The following SUGCT variants were observed in gnomAD, a reference collection of about 807,000 sequenced individuals.
SUGCT encodes the protein succinyl-CoA:glutarate-CoA transferase, also known as succinyl-CoA:glutarate CoA-transferase.
A neutral mutation model predicts 55.0 loss-of-function variants in SUGCT; 41 were observed. That is an observed-to-expected ratio of 0.74 (90% confidence interval 0.58 to 0.97). The LOEUF (loss-of-function observed/expected upper bound fraction) is 0.97. Ranked by LOEUF, SUGCT falls within the 50% of genes least tolerant of loss-of-function variation. The pLI is 0.00. For synonymous variants in SUGCT, 187 were observed against 200.4 expected (o/e 0.93, Z 0.56); for missense variants, 568 against 547.8 (o/e 1.04, Z -0.37).
At chr7:40,527,576 A>G (rs1216512643) in intron 12 of SUGCT, among the ~76,000 whole-genome samples, 2 of 152,202 alleles carry the variant, frequency 1.3e-5, no homozygotes, top group Non-Finnish European at 2.9e-5. Flanking sequence ...TCATTTCACA[A>G]TGTAGGAAAT....
the SUGCT span, among the ~76,000 whole-genome samples, chr7:40,982,678 A>G: frequency 2.6e-5 from 4 of 152,012 alleles, no homozygotes; most frequent in African/African-American, 9.7e-5. Flanking sequence ...TTTTTTAGAT[A>G]GAATCTGTGT....
intron 13 of SUGCT, among the ~76,000 whole-genome samples, chr7:40,758,587 T>G (rs1788375474): frequency 6.6e-6 from 1 of 152,130 alleles, no homozygotes; most frequent in African/African-American, 2.4e-5. Flanking sequence ...GGCACTGAGC[T>G]AGGTATGTGG....
At chr7:40,612,537 A>G (rs1398876173) in intron 12 of SUGCT, among the ~76,000 whole-genome samples, 5 of 152,186 alleles carry the variant, frequency 3.3e-5, no homozygotes. Context: ...CATGGTATCA[A>G]GATTAAGAGG....
chr7:40,631,806 A>G lies in SUGCT; in HGVS notation c.1090-117628A>G, dbSNP rs143571907. ...TCTCATAGGACATAGCTAGAAGGCT[A>G]GAAGACCACTGAGTTGATATTCCCG... is the stretch of plus-strand genomic sequence containing the variant. On this transcript the variant is annotated intron_variant, in intron 12 of 13. Coordinates refer to ENST00000335693, the MANE Select transcript of SUGCT (RefSeq NM_001193313.2). Among the ~76,000 whole-genome samples, 1,494 of 152,330 alleles carry G rather than the reference A, an allele frequency of 9.8e-3. 17 individuals are homozygous for G. Among genetic ancestry groups the G allele is most frequent in the Non-Finnish European group, 0.015 (1,035 of 68,026 alleles).
the SUGCT span, among the ~76,000 whole-genome samples, chr7:40,978,524 G>A: frequency 8.5e-5 from 13 of 152,212 alleles, no homozygotes; most frequent in East Asian, 9.7e-4. Context: ...TCGAAATGTG[G>A]GACAGTCAAA....
chr7:40,863,388 A>T (rs1204476082), downstream of SUGCT, among the ~76,000 whole-genome samples: 1 of 151,702 alleles, frequency 6.6e-6, no homozygotes, highest in East Asian at 1.9e-4. Flanking sequence ...TTCACCACTG[A>T]CTCTTTTGTG....
chr7:40,261,630 T>C (rs548600721), intron 7 of SUGCT, among the ~76,000 whole-genome samples: 1 of 152,312 alleles, frequency 6.6e-6, no homozygotes, highest in African/African-American at 2.4e-5. Context: ...AAGAGAGGTA[T>C]GAGCATCTCT....
intron 9 of SUGCT, among the ~76,000 whole-genome samples, chr7:40,394,146 T>G (rs893509671): frequency 6.6e-6 from 1 of 152,136 alleles, no homozygotes; most frequent in Non-Finnish European, 1.5e-5. Context: ...TTTTGAGACT[T>G]GACTGCTCAC....
the SUGCT span, among the ~76,000 whole-genome samples, chr7:41,018,672 G>A: frequency 6.6e-6 from 1 of 152,112 alleles, no homozygotes; most frequent in African/African-American, 2.4e-5. Flanking sequence ...TTCAATCAAG[G>A]TGTCTATTCT....
At chr7:40,418,174 G>A (rs185231649) in intron 9 of SUGCT, among the ~76,000 whole-genome samples, 43 of 152,192 alleles carry the variant, frequency 2.8e-4, no homozygotes, top group African/African-American at 9.4e-4. Context: ...TAAAAGAGCT[G>A]CACTAATTGT....
chr7:40,755,478 T>C (rs558690134), intron 13 of SUGCT, among the ~76,000 whole-genome samples: 1 of 152,344 alleles, frequency 6.6e-6, no homozygotes, highest in African/African-American at 2.4e-5. Flanking sequence ...AGTGGGAAGA[T>C]CTTGCATAAG....
chr7:40,570,877 T>TTC (rs1796412009), intron 12 of SUGCT, among the ~76,000 whole-genome samples: 2 of 136,312 alleles, frequency 1.5e-5, no homozygotes, highest in Non-Finnish European at 3.1e-5. Context: ...TTTTTTTTTT[T>TTC]CAGTTGGAGC....
At chr7:40,687,432 C>T (rs1784512459) in intron 12 of SUGCT, among the ~76,000 whole-genome samples, 1 of 150,226 alleles carries the variant, frequency 6.7e-6, no homozygotes, top group Non-Finnish European at 1.5e-5. Context: ...CAGCTCCCTC[C>T]CAGAGAGTGG....
chr7:40,297,415 T>C (rs1291418516), intron 8 of SUGCT, among the ~76,000 whole-genome samples: 1 of 152,124 alleles, frequency 6.6e-6, no homozygotes, highest in Non-Finnish European at 1.5e-5. Flanking sequence ...GCGTATTTCT[T>C]ATTGTAAACA....
chr7:40,847,081 A>C (rs77686906), intron 13 of SUGCT, among the ~76,000 whole-genome samples: 2,303 of 152,298 alleles, frequency 0.015, 142 homozygotes, highest in East Asian at 0.1. Context: ...TCTGGAGTGA[A>C]TGCTTTTTAA....
chr7:40,500,292 A>G (rs1303861070), intron 12 of SUGCT, among the ~76,000 whole-genome samples: 1 of 152,168 alleles, frequency 6.6e-6, no homozygotes, highest in Non-Finnish European at 1.5e-5. Context: ...TTTGTACCAC[A>G]CAAGTCGAAT....
intron 6 of SUGCT, among the ~76,000 whole-genome samples, chr7:40,211,195 A>G (rs1487893091): frequency 6.6e-6 from 1 of 151,028 alleles, no homozygotes; most frequent in Non-Finnish European, 1.5e-5. Flanking sequence ...ACTGATCTCA[A>G]ACTCTTTTAT....
At chr7:40,263,685 G>A (rs6952552) in intron 7 of SUGCT, among the ~76,000 whole-genome samples, 28,508 of 152,124 alleles carry the variant, frequency 0.19, 2,835 homozygotes, top group Middle Eastern at 0.23. Flanking sequence ...GAACATTTTA[G>A]TATAGTATTA....
chr7:40,214,839 G>A (rs371617459), intron 6 of SUGCT, among the ~76,000 whole-genome samples: 43 of 151,966 alleles, frequency 2.8e-4, no homozygotes, highest in Admixed American at 2.4e-3. Flanking sequence ...ACTTGAACCC[G>A]GGAGGCGGAG....
Sources: gnomAD v4.1 joint callset for allele counts (sites outside exome capture counted in the v4.1 genomes callset) on GRCh38, gnomAD v4.1.1 for gene constraint, MANE v1.5 for transcripts, NCBI Gene and HGNC (gene_info 2026-07-23, HGNC 2026-07-21) for gene names.